The following COL12A1 variants were observed in gnomAD, a reference collection of about 807,000 sequenced individuals.
The protein encoded by COL12A1 is collagen type XII alpha 1 chain.
COL12A1 carries 114 observed loss-of-function variants against 349.7 expected under a neutral mutation model. That is an observed-to-expected ratio of 0.33 (90% CI 0.28 to 0.38). The LOEUF (loss-of-function observed/expected upper bound fraction) is 0.38. COL12A1 is among the 10% of genes least tolerant of loss of function. The pLI is 1.00. For synonymous variants in COL12A1, 1,369 were observed against 1,329.0 expected (o/e 1.03, Z -0.66); for missense variants, 3,284 against 3,756.9 (o/e 0.87, Z 3.29).
rs1768247192 is a variant in COL12A1 at position 75,165,508 on chromosome 6, T to C, written c.2982A>G (p.Glu994=). ...AAACACACCCATAATGTTACCTACA[T>C]TCAGTTGTGGCATCTCCAGTCAAAG... ...GEPLTGDATT[E]LSQDSKTLKV... Residue 994 remains glutamate, a splice_region_variant and synonymous_variant, in exon 14 of 66, where the codon GAA becomes GAG. Coordinates refer to ENST00000322507, the MANE Select transcript of COL12A1 (RefSeq NM_004370.6). The C allele has an allele frequency of 6.2e-7, 1 of 1,613,072 alleles. No homozygotes were observed. The highest frequency in any genetic ancestry group is 8.5e-7 in the Non-Finnish European group (1 of 1,179,694).
At chr6:75,149,446 C>A (rs1200758851) in intron 21 of COL12A1, among the ~76,000 whole-genome samples, 2 of 152,048 alleles carry the variant, frequency 1.3e-5, no homozygotes, top group Non-Finnish European at 2.9e-5. Context: ...GGAGAGAGTG[C>A]AAAGAAACAC....
At chr6:75,171,054 C>T (rs1768606214) in intron 13 of COL12A1, among the ~76,000 whole-genome samples, 2 of 152,220 alleles carry the variant, frequency 1.3e-5, no homozygotes, top group African/African-American at 4.8e-5. Flanking sequence ...TGGTCAATCG[C>T]TGAATTAAAA....
At chr6:75,145,139 G>A (rs965714154) in intron 25 of COL12A1, among the ~76,000 whole-genome samples, 187 bp downstream of exon 25, 7 of 152,058 alleles carry the variant, frequency 4.6e-5, no homozygotes, top group African/African-American at 1.7e-4. Context: ...ACACATCCTC[G>A]AATGAATTTG....
In COL12A1 at chr6:75,177,794, G is replaced by A; in HGVS notation, c.2306C>T (p.Thr769Ile). 2.5e-6 allele frequency: 4 copies of A among 1,614,030 alleles called. No homozygotes were observed. Among genetic ancestry groups the A allele is most frequent in the Non-Finnish European group, 3.4e-6 (4 of 1,180,006 alleles). ...PVAGGESREV[T>I]TPPNQRRRTL... ...TCTCCTCCTCTGATTGGGTGGGGTGGTAACTTCTCTGCTCTCTCCACCAGC... is the reference window on the plus strand; with the variant it reads ...TCTCCTCCTCTGATTGGGTGGGGTGATAACTTCTCTGCTCTCTCCACCAGC... The change falls in exon 12 of 66, where the codon ACC becomes ATC. Residue 769 changes from threonine (T) to isoleucine (I), a missense_variant. Thr to Ile is a moderately conservative substitution (Grantham distance 89). Around this residue, in one of 2 missense-constraint regions of COL12A1, gnomAD observed 2,601 missense variants for 2,824.8 expected, o/e 0.92. Coordinates refer to ENST00000322507, the MANE Select transcript of COL12A1 (RefSeq NM_004370.6).
chr6:75,111,092 G>C (rs1768817196), intron 51 of COL12A1, among the ~76,000 whole-genome samples: 1 of 151,996 alleles, frequency 6.6e-6, no homozygotes, highest in East Asian at 1.9e-4. Flanking sequence ...ATTTCACAAT[G>C]TATGTGTATA....
rs200616087 is a variant in COL12A1 at position 75,095,153 on chromosome 6, T to G, written c.8604A>C (p.Thr2868=). 4.3e-6 allele frequency: 7 copies of G among 1,614,076 alleles called. 1 individual carries two copies. In the African/African-American group the frequency reaches 8.0e-5, roughly 18 times the overall value. The change falls in exon 60 of 66, where the codon ACA becomes ACC. Residue 2868 remains threonine (T), a synonymous_variant. Coordinates refer to ENST00000322507, the MANE Select transcript of COL12A1 (RefSeq NM_004370.6). ...GTTTTCCTGGCTTCCCACTTGGTCC[T>G]GTGACTCCTGGGGAGCCTGGGCTTC... ...PPGSPGSPGV[T]GPSGKPGKPG...
chr6:75,089,194 G>C lies in COL12A1; in HGVS notation c.8942-20C>G, dbSNP rs748160231. On this transcript the variant is annotated intron_variant, in intron 63 of 65. Transcript: ENST00000322507. Reference sequence around the variant, plus strand: ...GCAAACCTAAGGAGGGAGAAAAAGAGAAAGCACAGGGGAAAAATTATCTGG... The same window carrying C: ...GCAAACCTAAGGAGGGAGAAAAAGACAAAGCACAGGGGAAAAATTATCTGG... The C allele has an allele frequency of 6.4e-7, 1 of 1,573,166 alleles. No individual in the cohort carries two copies. Among genetic ancestry groups the C allele is most frequent in the South Asian group, 1.2e-5 (1 of 86,908 alleles).
chr6:75,087,755 G>A lies in COL12A1; in HGVS notation c.9011-8C>T, dbSNP rs370683755. The A allele has an allele frequency of 5.0e-6, 8 of 1,602,938 alleles. No individual in the cohort carries two copies. In the African/African-American group the frequency reaches 9.4e-5, roughly 19 times the overall value. ...TGGATTCTCCTTGTGGACCTAGTGT[G>A]GAGTTAAAACAAATATATTTCCCCT... On this transcript the variant is annotated splice_polypyrimidine_tract_variant and splice_region_variant and intron_variant, in intron 64 of 65. Coordinates refer to ENST00000322507, the MANE Select transcript of COL12A1 (RefSeq NM_004370.6).
rs749836902 is a variant in COL12A1 at position 75,119,053 on chromosome 6, G to A, written c.7344C>T (p.Ile2448=). The change falls in exon 46 of 66, where the codon ATC becomes ATT. Residue 2448 remains isoleucine (I), a synonymous_variant. Transcript: ENST00000322507. Reference sequence around the variant, plus strand: ...CATGTATGTGCTTGCCTGACTGCTGGATGACCAAAGCCGCCTTCTTGACCT... The same window carrying A: ...CATGTATGTGCTTGCCTGACTGCTGAATGACCAAAGCCGCCTTCTTGACCT... ...QDEVKKAALV[I]QQSGFSVFVV... 6.2e-7 allele frequency: 1 copy of A among 1,613,802 alleles called. No homozygotes were observed. The highest frequency in any genetic ancestry group is 1.3e-5 in the African/African-American group (1 of 74,904).
intron 2 of COL12A1, among the ~76,000 whole-genome samples, chr6:75,201,586 GT>G (rs930818101): frequency 6.7e-6 from 1 of 150,148 alleles, no homozygotes; most frequent in African/African-American, 2.5e-5. Context: ...TGGCAGAAGT[GT>G]TTTTTTTCCT....
chr6:75,157,743 GATA>G (rs886078671), intron 14 of COL12A1, among the ~76,000 whole-genome samples: 1 of 152,032 alleles, frequency 6.6e-6, no homozygotes, highest in Non-Finnish European at 1.5e-5. Flanking sequence ...TTCAACCTAG[GATA>G]ATCAGTGCAC....
In COL12A1 at chr6:75,132,092, T is replaced by C. The variant is rs1435637856; in HGVS notation, c.5795-10A>G. 1.9e-6 allele frequency: 3 copies of C among 1,613,106 alleles called. No individual in the cohort carries two copies. The highest frequency in any genetic ancestry group is 2.5e-6 in the Non-Finnish European group (3 of 1,179,536). ...GCCAGTCCTCTCATCACTGAGGAAA[T>C]GAAGGCCAACATCTATTTTTTAAGT... On this transcript the variant is annotated splice_polypyrimidine_tract_variant and intron_variant, in intron 34 of 65. Coordinates refer to ENST00000322507, the MANE Select transcript of COL12A1 (RefSeq NM_004370.6).
intron 13 of COL12A1, among the ~76,000 whole-genome samples, chr6:75,169,923 T>C (rs1768534820): frequency 6.6e-6 from 1 of 152,228 alleles, no homozygotes; most frequent in Non-Finnish European, 1.5e-5. Flanking sequence ...TAGTTACATC[T>C]ATTCAAAAGC....
Position 75,097,246 on chromosome 6 carries a change from T to C in COL12A1, c.8577+7A>G, listed in dbSNP as rs1366633459. On this transcript the variant is annotated splice_region_variant and intron_variant, in intron 59 of 65. Transcript: ENST00000322507. ...GGGCACAAAAATGAGACACATTTAG[T>C]TCTTACCGGCGGCCCTGGTGGGCCC... 3 of 1,613,448 alleles carry C rather than the reference T, an allele frequency of 1.9e-6. No homozygotes were observed. The highest frequency in any genetic ancestry group is 2.5e-6 in the Non-Finnish European group (3 of 1,179,520).
At chr6:75,121,236 A>T (rs1765712653) in intron 44 of COL12A1, 66 bp downstream of exon 44, 4 of 1,376,050 alleles carry the variant, frequency 2.9e-6, no homozygotes, top group Non-Finnish European at 3.8e-6. Flanking sequence ...TTTTTACTTA[A>T]AAAGAGAAGT....
At chr6:75,202,309 T>C (rs1582232629) in intron 2 of COL12A1, among the ~76,000 whole-genome samples, 2 of 152,232 alleles carry the variant, frequency 1.3e-5, no homozygotes, top group Non-Finnish European at 2.9e-5. Context: ...AGCCAGGTGG[T>C]TGGTTACCAG....
At chr6:75,164,735 CAT>C (rs1218226567) in intron 14 of COL12A1, among the ~76,000 whole-genome samples, 3 of 152,074 alleles carry the variant, frequency 2.0e-5, no homozygotes, top group African/African-American at 4.8e-5. Flanking sequence ...TACACTGACA[CAT>C]GATTATCACT....
At chr6:75,193,303 T>C (rs554123712) in intron 3 of COL12A1, among the ~76,000 whole-genome samples, 1 of 152,280 alleles carries the variant, frequency 6.6e-6, no homozygotes, top group African/African-American at 2.4e-5. Context: ...ATGAATATGT[T>C]AACTGCAAAT....
Position 75,195,084 on chromosome 6 carries a change from T to C in COL12A1, c.74-137A>G, listed in dbSNP as rs1019937475. Reference sequence around the variant, plus strand: ...TTGTTTCCAACAAATATAAAAGATATGTTGTTGGATAAGAATAAAACTAAA... The same window carrying C: ...TTGTTTCCAACAAATATAAAAGATACGTTGTTGGATAAGAATAAAACTAAA... On this transcript the variant is annotated intron_variant, in intron 2 of 65. Coordinates refer to ENST00000322507, the MANE Select transcript of COL12A1 (RefSeq NM_004370.6). The C allele has an allele frequency of 2.1e-5, 11 of 536,254 alleles. No homozygotes were observed. The East Asian group carries it at 3.1e-4, about 15-fold the overall frequency. The allele number at this position is 536,254 out of a possible 1,614,324, so 33.2% of individuals were successfully genotyped here.
Sources: gnomAD v4.1 joint callset for allele counts (sites outside exome capture counted in the v4.1 genomes callset) on GRCh38, gnomAD v4.1.1 for gene constraint, gnomAD v4.1.1 regional missense constraint, MANE v1.5 for transcripts, NCBI Gene and HGNC (gene_info 2026-07-23, HGNC 2026-07-21) for gene names.